COL11A1: variants seen among roughly 807,000 people sequenced by gnomAD.
COL11A1 encodes collagen type XI alpha 1 chain, also known as collagen alpha-1(XI) chain.
A neutral mutation model predicts 265.2 loss-of-function variants in COL11A1; 74 were observed. The observed-to-expected ratio is 0.28, with a 90% CI of 0.23 to 0.34. COL11A1 has a LOEUF of 0.34. COL11A1 is among the 10% of genes least tolerant of loss of function. The probability of loss-of-function intolerance (pLI) is 1.00; values close to 1 mark genes in which losing one functional copy is unlikely to be tolerated. For synonymous variants in COL11A1, 816 were observed against 727.6 expected, an observed-to-expected ratio of 1.12 and a Z score of -1.96; for missense variants, 2,165 against 2,263.6, an observed-to-expected ratio of 0.96 and a Z score of 0.88.
At chr1:103,020,747 A>C (rs1178286679) in intron 9 of COL11A1, among the ~76,000 whole-genome samples, 1 of 121,556 alleles carries the variant, frequency 8.2e-6, no homozygotes, top group African/African-American at 3.1e-5. Flanking sequence ...TCTTTAATCC[A>C]TCTTGAATTG....
chr1:102,900,484 AAAT>A (rs1326417846), intron 54 of COL11A1, among the ~76,000 whole-genome samples: 3 of 152,134 alleles, frequency 2.0e-5, no homozygotes, highest in African/African-American at 7.2e-5. Context: ...ACATTCAATG[AAAT>A]AATAGCTTTT....
chr1:103,066,728 C>A (rs958015965), intron 4 of COL11A1, among the ~76,000 whole-genome samples: 2 of 151,870 alleles, frequency 1.3e-5, no homozygotes, highest in South Asian at 4.2e-4. Flanking sequence ...TTTCATGACA[C>A]CAATTAAAAG....
intron 41 of COL11A1, among the ~76,000 whole-genome samples, chr1:102,951,812 T>A (rs1659917073): frequency 6.6e-6 from 1 of 152,016 alleles, no homozygotes; most frequent in Non-Finnish European, 1.5e-5. Context: ...TCAAGAGAAA[T>A]TTTTCAAATT....
At chr1:103,100,252 A>G (rs891146364) in intron 1 of COL11A1, 16 of 151,968 alleles carry the variant, frequency 1.1e-4, no homozygotes, top group Non-Finnish European at 1.6e-4. Context: ...CCCCAAAAGT[A>G]GAATAAGTCC....
chr1:102,966,211 A>G (rs531843001), intron 37 of COL11A1, among the ~76,000 whole-genome samples: 1 of 152,338 alleles, frequency 6.6e-6, no homozygotes, highest in South Asian at 2.1e-4. Flanking sequence ...TGGGTTATTC[A>G]TTCCACATAA....
chr1:102,914,823 T>TG lies in COL11A1; in HGVS notation c.3817-13_3817-12insC. The TG allele has an allele frequency of 1.6e-6, 2 of 1,268,950 alleles. No homozygotes were observed. Among genetic ancestry groups the TG allele is most frequent in the East Asian group, 2.6e-5 (1 of 39,084 alleles). The allele number at this position is 1,268,950 out of a possible 1,614,324, so 78.6% of individuals were successfully genotyped here. ...TCTCCTTTGGGACCCTAAACAATGT[T>TG]AAAAAAAAAAAAAGAAGAAGAAGGA... On this transcript the variant is annotated splice_polypyrimidine_tract_variant and intron_variant, in intron 50 of 66. Transcript: ENST00000370096.
chr1:103,030,008 T>C (rs1667845561), intron 5 of COL11A1, among the ~76,000 whole-genome samples: 3 of 152,038 alleles, frequency 2.0e-5, no homozygotes, highest in South Asian at 4.1e-4. Flanking sequence ...GTAAATGCTA[T>C]AAATTTTAAT....
intron 15 of COL11A1, among the ~76,000 whole-genome samples, chr1:103,006,980 C>T (rs932137185): frequency 1.3e-5 from 2 of 151,570 alleles, no homozygotes; most frequent in Non-Finnish European, 2.9e-5. Context: ...CTTTCCAATC[C>T]CCTTTCTTTC....
At chr1:103,026,607 T>C (rs28700094) in intron 5 of COL11A1, among the ~76,000 whole-genome samples, 1 of 150,766 alleles carries the variant, frequency 6.6e-6, no homozygotes, top group African/African-American at 2.4e-5. Context: ...CTCTTAATTA[T>C]GGAATGTTAA....
At chr1:103,019,169 T>G (rs1666796066) in intron 9 of COL11A1, among the ~76,000 whole-genome samples, 1 of 152,164 alleles carries the variant, frequency 6.6e-6, no homozygotes, top group Admixed American at 6.6e-5. Flanking sequence ...CTACCAAGGT[T>G]TTTTATTTTT....
chr1:103,015,631 A>G, intron 12 of COL11A1, 37 bp downstream of exon 12: 6 of 1,364,932 alleles, frequency 4.4e-6, no homozygotes, highest in Non-Finnish European at 6.2e-6. Context: ...AGATGACAAG[A>G]TATCAAGTCA....
Position 103,108,349 on chromosome 1 carries a change from C to A in COL11A1, c.-171G>T. On this transcript the variant is annotated 5_prime_UTR_variant, in exon 1 of 67. Coordinates refer to ENST00000370096, the MANE Select transcript of COL11A1 (RefSeq NM_001854.4). ...TCTAAATTTGATGGTTTGCGTTCTT[C>A]GTGTCTCTAGCCCTTTCCTCTCCCT... 1 of 673,598 alleles carries A rather than the reference C, an allele frequency of 1.5e-6. No individual in the cohort carries two copies. Among genetic ancestry groups the A allele is most frequent in the Non-Finnish European group, 2.7e-6 (1 of 372,710 alleles). 41.7% of individuals were successfully genotyped at this position (673,598 alleles called of 1,614,324 possible).
chr1:102,924,825 C>A (rs1166840835), intron 46 of COL11A1, among the ~76,000 whole-genome samples: 1 of 151,704 alleles, frequency 6.6e-6, no homozygotes, highest in African/African-American at 2.4e-5. Context: ...ATATATACAA[C>A]AAATAAAAAA....
intron 30 of COL11A1, 32 bp downstream of exon 30, chr1:102,987,601 G>A (rs763265400): frequency 6.8e-7 from 1 of 1,466,978 alleles, no homozygotes; most frequent in East Asian, 2.3e-5. Context: ...TCAGCTGCAA[G>A]AGTACCAGTG....
chr1:102,943,012 C>T (rs1182787595), intron 42 of COL11A1, among the ~76,000 whole-genome samples: 1 of 152,044 alleles, frequency 6.6e-6, no homozygotes, highest in African/African-American at 2.4e-5. Flanking sequence ...ATAGGGGTAG[C>T]TCCCAACCCA....
chr1:102,900,362 T>A (rs1295468866), intron 54 of COL11A1, among the ~76,000 whole-genome samples: 1 of 152,184 alleles, frequency 6.6e-6, no homozygotes, highest in Non-Finnish European at 1.5e-5. Flanking sequence ...AAATTTGTTC[T>A]ATTGTTAAAA....
At chr1:103,060,002 C>T (rs1379623225) in intron 4 of COL11A1, among the ~76,000 whole-genome samples, 1 of 151,898 alleles carries the variant, frequency 6.6e-6, no homozygotes, top group African/African-American at 2.4e-5. Context: ...AGACATCAAA[C>T]CAAAATTCCA....
chr1:103,059,685 T>C (rs1365256400), intron 4 of COL11A1, among the ~76,000 whole-genome samples: 1 of 151,820 alleles, frequency 6.6e-6, no homozygotes, highest in African/African-American at 2.4e-5. Context: ...TAACAAAGAA[T>C]CAAAAATAAA....
intron 5 of COL11A1, among the ~76,000 whole-genome samples, chr1:103,026,944 G>T (rs1485847664): frequency 2.0e-5 from 3 of 152,002 alleles, no homozygotes; most frequent in Non-Finnish European, 4.4e-5. Context: ...ATTTCCTTTA[G>T]ACTTTCCTAA....
Sources: allele counts gnomAD v4.1 joint callset (sites outside exome capture counted in the v4.1 genomes callset), GRCh38; gene constraint gnomAD v4.1.1; transcripts MANE v1.5; gene names NCBI Gene and HGNC (gene_info 2026-07-23, HGNC 2026-07-21).